OR51B5: variants seen among roughly 807,000 people sequenced by gnomAD.
The protein encoded by OR51B5 is olfactory receptor family 51 subfamily B member 5.
For synonymous variants in OR51B5, 186 were observed against 144.8 expected (o/e 1.28, Z -2.04); for missense variants, 456 against 374.6 (o/e 1.22, Z -1.79).
At chr11:5,390,201 TG>T in intron 1 of OR51B5, 1 of 1,614,024 alleles carries the variant, frequency 6.2e-7, no homozygotes, top group South Asian at 1.1e-5. Context: ...GTGCCCATGA[TG>T]GGGCTGTCCC....
At chr11:5,426,491 G>T (rs1046268779) in intron 1 of OR51B5, among the ~76,000 whole-genome samples, 1 of 152,046 alleles carries the variant, frequency 6.6e-6, no homozygotes, top group African/African-American at 2.4e-5. Flanking sequence ...GGGGAAGGGG[G>T]GAGTTGCTGA....
At chr11:5,420,353 C>T (rs956587038) in intron 1 of OR51B5, among the ~76,000 whole-genome samples, 16 of 152,136 alleles carry the variant, frequency 1.1e-4, no homozygotes, top group Admixed American at 8.5e-4. Flanking sequence ...ACCAATTATA[C>T]GATTTAACTT....
At chr11:5,371,065 A>C (rs1849441293) in intron 1 of OR51B5, among the ~76,000 whole-genome samples, 1 of 152,180 alleles carries the variant, frequency 6.6e-6, no homozygotes, top group Non-Finnish European at 1.5e-5. Flanking sequence ...TGAGTGATAA[A>C]AATAGTGATT....
intron 1 of OR51B5, among the ~76,000 whole-genome samples, chr11:5,377,907 A>T (rs900963029): frequency 1.3e-5 from 2 of 152,168 alleles, no homozygotes; most frequent in Admixed American, 6.5e-5. Flanking sequence ...TATAGATTCA[A>T]TGCCATCCCC....
At chr11:5,372,420 C>G (rs1224354259) in intron 1 of OR51B5, among the ~76,000 whole-genome samples, 19 of 152,192 alleles carry the variant, frequency 1.2e-4, no homozygotes, top group Non-Finnish European at 2.9e-5. Flanking sequence ...TCCACAGCCT[C>G]TCCAACCCCT....
Position 5,351,751 on chromosome 11 carries a change from G to A in OR51B5, n.85-4841C>T. 2.5e-6 allele frequency: 4 copies of A among 1,613,980 alleles called. No homozygotes were observed. In the South Asian group the frequency reaches 4.4e-5, roughly 18 times the overall value. ...GACCACAATGCCCACAGTGCTAGGT[G>A]TTCTGTGGTTAGATCACAGGGAGAT... On this transcript the variant is annotated intron_variant and non_coding_transcript_variant, in intron 1 of 4. Coordinates refer to the OR51B5 transcript ENST00000415970.
intron 1 of OR51B5, among the ~76,000 whole-genome samples, chr11:5,370,374 A>T (rs889377179): frequency 1.1e-4 from 17 of 152,312 alleles, no homozygotes; most frequent in African/African-American, 3.8e-4. Context: ...CAAAGACTAA[A>T]CTAAAATAGC....
chr11:5,391,401 GGT>G (rs1849793432), intron 1 of OR51B5: 1 of 152,190 alleles, frequency 6.6e-6, no homozygotes, highest in Admixed American at 6.5e-5. Flanking sequence ...TGTTTATGAA[GGT>G]GTGTGCATGT....
chr11:5,410,704 T>C (rs956441950), intron 1 of OR51B5, among the ~76,000 whole-genome samples: 9 of 152,190 alleles, frequency 5.9e-5, no homozygotes, highest in Non-Finnish European at 1.2e-4. Context: ...GACAGCTTCA[T>C]GTATGTTATT....
intron 1 of OR51B5, among the ~76,000 whole-genome samples, chr11:5,380,708 T>C (rs1849595490): frequency 6.6e-6 from 1 of 152,178 alleles, no homozygotes; most frequent in South Asian, 2.1e-4. Context: ...CCATCAATTT[T>C]AGTTTTTATG....
intron 1 of OR51B5, among the ~76,000 whole-genome samples, chr11:5,355,912 C>T (rs1849186710): frequency 6.6e-6 from 1 of 152,122 alleles, no homozygotes; most frequent in Non-Finnish European, 1.5e-5. Flanking sequence ...CTGCTGCAAG[C>T]TGAGGGTCCT....
chr11:5,404,690 G>A (rs1257869760), intron 1 of OR51B5, among the ~76,000 whole-genome samples: 1 of 152,204 alleles, frequency 6.6e-6, no homozygotes, highest in Admixed American at 6.5e-5. Context: ...TCTTGTGGCT[G>A]CTCACTCTTT....
chr11:5,419,627 T>C (rs1402190988), intron 1 of OR51B5, among the ~76,000 whole-genome samples: 2 of 152,158 alleles, frequency 1.3e-5, no homozygotes. Context: ...ACTACCATTT[T>C]AGGTATGGAA....
At chr11:5,395,705 A>T (rs1849859374) in intron 1 of OR51B5, among the ~76,000 whole-genome samples, 1 of 152,214 alleles carries the variant, frequency 6.6e-6, no homozygotes, top group Admixed American at 6.5e-5. Context: ...CCCATGTGGA[A>T]ATCTTTCAAC....
intron 1 of OR51B5, among the ~76,000 whole-genome samples, chr11:5,483,902 G>A (rs376313874): frequency 2.0e-5 from 3 of 152,006 alleles, no homozygotes; most frequent in Admixed American, 6.6e-5. Context: ...ATTTCAACAC[G>A]AATTACACAT....
intron 1 of OR51B5, chr11:5,403,154 AT>A (rs1849999096): frequency 2.2e-6 from 1 of 461,836 alleles, no homozygotes; most frequent in Non-Finnish European, 4.4e-6. Context: ...CTGCACCCCA[AT>A]CTTATCTATC....
intron 1 of OR51B5, among the ~76,000 whole-genome samples, chr11:5,490,019 G>C (rs1397353594): frequency 6.6e-6 from 1 of 152,172 alleles, no homozygotes; most frequent in Non-Finnish European, 1.5e-5. Context: ...AAAAGGTTTG[G>C]AATGAATTTG....
In OR51B5 at chr11:5,342,944, C is replaced by T. The variant is rs61743611; in HGVS notation, c.581G>A (p.Arg194Gln). 6.4e-4 allele frequency: 1,034 copies of T among 1,613,640 alleles called. 3 individuals carry two copies. In the African/African-American group the frequency reaches 0.01, roughly 16 times the overall value. The change falls in exon 1 of 1, where the codon CGA becomes CAA. Residue 194 changes from arginine to glutamine, a missense_variant. Transcript: ENST00000300773. ...GACTACAAGCACAGCTGGGTACAGT[C>T]GGTTGAAGGTGGTATCAGCACAGGC...
At chr11:5,361,008 G>C (rs12273794) in intron 1 of OR51B5, among the ~76,000 whole-genome samples, 5 of 146,804 alleles carry the variant, frequency 3.4e-5, no homozygotes, top group Non-Finnish European at 6.0e-5. Context: ...GGGTCGGGGG[G>C]AGGGATAGCA....
Sources: gnomAD v4.1 joint callset for allele counts (sites outside exome capture counted in the v4.1 genomes callset) on GRCh38, gnomAD v4.1.1 for gene constraint, MANE v1.5 for transcripts, NCBI Gene and HGNC (gene_info 2026-07-23, HGNC 2026-07-21) for gene names.